TRPM1: variants seen among roughly 807,000 people sequenced by gnomAD.
TRPM1 encodes TRPM1-203 APA Isoform, Intron 10.
A neutral mutation model predicts 149.4 loss-of-function variants in TRPM1; 113 were observed. The ratio of observed to expected loss-of-function variants is 0.76; its 90% CI spans 0.65 to 0.88. TRPM1 has a LOEUF of 0.88. TRPM1 is among the 40% of genes least tolerant of loss of function. The probability of loss-of-function intolerance (pLI) is 0.00; values close to 1 mark genes in which losing one functional copy is unlikely to be tolerated. For synonymous variants in TRPM1, 741 were observed against 759.5 expected (o/e 0.98, Z 0.40); for missense variants, 1,976 against 2,038.7 (o/e 0.97, Z 0.59).
At chr15:31,016,978 CACACACACACAA>C (rs951685983) in intron 27 of TRPM1, among the ~76,000 whole-genome samples, 1 of 134,198 alleles carries the variant, frequency 7.5e-6, no homozygotes, top group African/African-American at 2.7e-5. Context: ...CACACACACA[CACACACACACAA>C]AAAAAAAACT....
chr15:31,030,608 A>G (rs1384794137), intron 23 of TRPM1, among the ~76,000 whole-genome samples: 1 of 152,216 alleles, frequency 6.6e-6, no homozygotes, highest in Non-Finnish European at 1.5e-5. Flanking sequence ...GATGGTGGGA[A>G]GTATCAGTTA....
Position 31,035,625 on chromosome 15 carries a change from C to G in TRPM1, c.2621G>C (p.Arg874Pro). Residue 874 changes from arginine (R) to proline (P), a missense_variant, in exon 21 of 28, where the codon CGG becomes CCG. Around this residue, in one of 3 missense-constraint regions of TRPM1, gnomAD observed 1,332 missense variants for 1,347.1 expected, o/e 0.99. Coordinates refer to ENST00000256552, the MANE Select transcript of TRPM1 (RefSeq NM_001252024.2). The stretch of plus-strand genomic sequence containing the variant: ...CTGGAGGGACGGCCAGCCATCCATC[C>G]GCACCAGGATGACGTAGTTAAACAG... ...LLLFNYVILV[R>P]MDGWPSLQEW... 1 of 1,614,182 alleles carries G rather than the reference C, an allele frequency of 6.2e-7. No homozygotes were observed. The highest frequency in any genetic ancestry group is 1.1e-5 in the South Asian group (1 of 91,074).
intron 1 of TRPM1, among the ~76,000 whole-genome samples, chr15:31,144,664 C>T (rs1346696256): frequency 6.6e-6 from 1 of 150,380 alleles, no homozygotes; most frequent in Non-Finnish European, 1.5e-5. Context: ...TAGAAGAAAG[C>T]TATAATACAC....
At chr15:31,044,899 G>A (rs2033721377) in intron 16 of TRPM1, among the ~76,000 whole-genome samples, 1 of 151,652 alleles carries the variant, frequency 6.6e-6, no homozygotes, top group South Asian at 2.1e-4. Flanking sequence ...TGAAAGTCTA[G>A]ATGAAATAAG....
At chr15:31,007,647 GCGCAGCAACAACAACAACAACAA>G (rs1331197094) in intron 27 of TRPM1, among the ~76,000 whole-genome samples, 7 of 64,486 alleles carry the variant, frequency 1.1e-4, no homozygotes, top group African/African-American at 3.3e-4. Flanking sequence ...AACAACAGCA[GCGCAGCAACAACAACAACAACAA>G]CAACAACAAC....
intron 1 of TRPM1, among the ~76,000 whole-genome samples, chr15:31,151,027 T>C (rs2036296248): frequency 6.6e-6 from 1 of 152,168 alleles, no homozygotes; most frequent in African/African-American, 2.4e-5. Flanking sequence ...TGGTTTCTTG[T>C]AAAAGCGTTT....
intron 1 of TRPM1, among the ~76,000 whole-genome samples, chr15:31,154,888 C>T (rs1309798782): frequency 6.6e-6 from 1 of 152,060 alleles, no homozygotes; most frequent in Non-Finnish European, 1.5e-5. Flanking sequence ...CCTGTGATTT[C>T]ATCCTTGACC....
At chr15:31,026,401 C>T in intron 26 of TRPM1, 130 bp from the exon 27 acceptor site, 5 of 1,124,938 alleles carry the variant, frequency 4.4e-6, no homozygotes, top group Non-Finnish European at 6.5e-6. Flanking sequence ...TTCGCCACTA[C>T]TCCAATTGAT....
At chr15:31,043,912 G>GA (rs963304513) in intron 16 of TRPM1, among the ~76,000 whole-genome samples, 7 of 151,846 alleles carry the variant, frequency 4.6e-5, no homozygotes, top group South Asian at 4.2e-4. Flanking sequence ...GAGGAAAAGG[G>GA]AAAAAAACCA....
chr15:31,112,345 G>C (rs974695263), intron 1 of TRPM1, among the ~76,000 whole-genome samples: 2 of 152,166 alleles, frequency 1.3e-5, no homozygotes, highest in African/African-American at 4.8e-5. Flanking sequence ...GTGCATGGTG[G>C]TGCATGCCTG....
Position 31,001,574 on chromosome 15 carries a change from T to C in TRPM1, c.*248A>G, listed in dbSNP as rs1475889236. The C allele has an allele frequency of 1.0e-5, 6 of 572,070 alleles. No homozygotes were observed. In the East Asian group the frequency reaches 1.8e-4, roughly 17 times the overall value. The allele number at this position is 572,070 out of a possible 1,614,324, so 35.4% of individuals were successfully genotyped here. On this transcript the variant is annotated 3_prime_UTR_variant, in exon 28 of 28. Transcript: ENST00000256552. ...AAAGAGATTGTATAATCTTGTATAC[T>C]GATTAGCCAATTTATCTTCGTTACA...
At chr15:31,088,236 T>C (rs2035058162) in intron 1 of TRPM1, among the ~76,000 whole-genome samples, 2 of 152,210 alleles carry the variant, frequency 1.3e-5, no homozygotes, top group Admixed American at 6.5e-5. Flanking sequence ...TAATCTGCTC[T>C]CTGTAAAATG....
chr15:31,086,017 C>T (rs898968833), intron 1 of TRPM1, among the ~76,000 whole-genome samples: 2 of 148,052 alleles, frequency 1.4e-5, no homozygotes, highest in African/African-American at 2.5e-5. Flanking sequence ...CTGACCGTTC[C>T]GAGGAGAAAA....
chr15:31,091,153 A>C (rs1170067688), intron 1 of TRPM1, among the ~76,000 whole-genome samples: 1 of 152,208 alleles, frequency 6.6e-6, no homozygotes, highest in Non-Finnish European at 1.5e-5. Context: ...TCCCTCATCC[A>C]TGGCCGAGGA....
chr15:31,103,103 G>T (rs1298382362), upstream of TRPM1, among the ~76,000 whole-genome samples: 1 of 152,242 alleles, frequency 6.6e-6, no homozygotes, highest in Non-Finnish European at 1.5e-5. Flanking sequence ...TGGCTGGGAG[G>T]TGTGGAGGCT....
intron 1 of TRPM1, among the ~76,000 whole-genome samples, chr15:31,115,718 C>A (rs1055829571): frequency 6.6e-6 from 1 of 151,712 alleles, no homozygotes; most frequent in African/African-American, 2.4e-5. Flanking sequence ...CCTGTTGAGA[C>A]ACACCCAGAG....
Position 31,038,167 on chromosome 15 carries a change from C to G in TRPM1, c.2317-1G>C, listed in dbSNP as rs756690940. 8.7e-6 allele frequency: 14 copies of G among 1,613,846 alleles called. No homozygotes were observed. Among genetic ancestry groups the G allele is most frequent in the Non-Finnish European group, 1.1e-5 (13 of 1,179,942 alleles). On this transcript the variant is annotated splice_acceptor_variant, in intron 18 of 27. Transcript: ENST00000256552. LOFTEE classifies it high-confidence loss of function. ...GGGGTAGAAGAATCCCCATGATAACCTACGGAACATAAATTGATTTTTTAA... is the reference window on the plus strand; with the variant it reads ...GGGGTAGAAGAATCCCCATGATAACGTACGGAACATAAATTGATTTTTTAA...
rs552467527 is a variant in TRPM1, at chr15:31,043,695, T to A, written c.1795-1452A>T. On this transcript the variant is annotated intron_variant, in intron 16 of 27. Coordinates refer to ENST00000256552, the MANE Select transcript of TRPM1 (RefSeq NM_001252024.2). ...AGAAATGTTTAGATAAACATAGATT[T>A]TCAAGAATATATAAGATAAAATAAA... is the stretch of plus-strand genomic sequence containing the variant. Among the ~76,000 whole-genome samples the A allele has an allele frequency of 2.0e-5, 3 of 152,300 alleles. No individual in the cohort carries two copies. In the South Asian group the frequency reaches 6.2e-4, roughly 32 times the overall value.
At chr15:31,158,203 G>A in intron 1 of TRPM1, among the ~76,000 whole-genome samples, 1 of 152,160 alleles carries the variant, frequency 6.6e-6, no homozygotes, top group East Asian at 1.9e-4. Flanking sequence ...ACAAGTTTTT[G>A]TAGGAGTTTG....
Sources: allele counts gnomAD v4.1 joint callset (sites outside exome capture counted in the v4.1 genomes callset), GRCh38; gene constraint gnomAD v4.1.1; regional missense constraint gnomAD v4.1.1; transcripts MANE v1.5; gene names NCBI Gene and HGNC (gene_info 2026-07-23, HGNC 2026-07-21).